Variants in MS4A10 observed in about 807,000 individuals in gnomAD.
MS4A10 encodes membrane-spanning 4-domains subfamily A member 10.
MS4A10 carries 27 observed loss-of-function variants against 27.7 expected under a neutral mutation model. The ratio of observed to expected loss-of-function variants is 0.98; its 90% CI spans 0.72 to 1.35. MS4A10 has a LOEUF of 1.35. MS4A10 is among the 40% of genes most tolerant of loss of function. The pLI, the probability that MS4A10 is intolerant of heterozygous loss-of-function variation, is 0.00. For synonymous variants in MS4A10, 139 were observed against 131.2 expected (o/e 1.06, Z -0.41); for missense variants, 338 against 324.7 (o/e 1.04, Z -0.32).
chr11:60,797,407 A>G (rs1020755790), intron 6 of MS4A10, among the ~76,000 whole-genome samples: 3 of 152,156 alleles, frequency 2.0e-5, no homozygotes, highest in African/African-American at 7.2e-5. Flanking sequence ...AATGAGTCTC[A>G]AGGGCTCAAA....
chr11:60,800,108 T>C lies in MS4A10; in HGVS notation c.*199T>C. 1.4e-6 allele frequency: 1 copy of C among 707,934 alleles called. No homozygotes were observed. The highest frequency in any genetic ancestry group is 2.8e-5 in the Admixed American group (1 of 36,362). 43.9% of individuals were successfully genotyped at this position (707,934 alleles called of 1,614,324 possible). A position where few individuals can be genotyped will look rare whatever the true frequency, so the allele number is the denominator to read the frequency against. On this transcript the variant is annotated 3_prime_UTR_variant, in exon 8 of 8. Coordinates refer to ENST00000308287, the MANE Select transcript of MS4A10 (RefSeq NM_206893.4). ...TTCTTACATAGTTGATGGCTCGATA[T>C]CTGTGGTGGCCCAGATTGTTTTGTT... is the stretch of plus-strand genomic sequence containing the variant.
At chr11:60,786,623 C>T (rs533111324) in intron 1 of MS4A10, among the ~76,000 whole-genome samples, 4 of 152,006 alleles carry the variant, frequency 2.6e-5, no homozygotes, top group Non-Finnish European at 5.9e-5. Flanking sequence ...GCCCTCTCCC[C>T]CTGTAAGCAG....
At chr11:60,799,103 T>C (rs1257629614) in intron 7 of MS4A10, among the ~76,000 whole-genome samples, 1 of 152,204 alleles carries the variant, frequency 6.6e-6, no homozygotes, top group African/African-American at 2.4e-5. Context: ...GCATGAATCT[T>C]TTTGCCCTCC....
intron 5 of MS4A10, among the ~76,000 whole-genome samples, chr11:60,794,966 T>C (rs2134754714): frequency 6.6e-6 from 1 of 152,302 alleles, no homozygotes; most frequent in East Asian, 1.9e-4. Context: ...ATTACAGGCG[T>C]GAGCCACCAT....
intron 7 of MS4A10, among the ~76,000 whole-genome samples, chr11:60,799,125 G>T (rs895413797): frequency 2.6e-5 from 4 of 152,176 alleles, no homozygotes; most frequent in African/African-American, 9.7e-5. Flanking sequence ...GGACCTCAGT[G>T]TCTCCATCTG....
chr11:60,786,495 C>T (rs770055259), intron 1 of MS4A10, among the ~76,000 whole-genome samples: 14 of 152,176 alleles, frequency 9.2e-5, no homozygotes, highest in Non-Finnish European at 8.8e-5. Context: ...CGGCCCTCTC[C>T]CCCTGTAAGC....
In MS4A10 at chr11:60,800,151, G is replaced by C. The variant is rs571593213; in HGVS notation, c.*242G>C. 2.3e-4 allele frequency: 127 copies of C among 548,054 alleles called. No homozygotes were observed. In the East Asian group the frequency reaches 3.0e-3, roughly 13 times the overall value. The allele number at this position is 548,054 out of a possible 1,614,324, so 33.9% of individuals were successfully genotyped here. A position where few individuals can be genotyped will look rare whatever the true frequency, so the allele number is the denominator to read the frequency against. ...GTTTTGTTTTGTTTCGCTTTGTTTT[G>C]TTTTCTTTTGTTTTGTTGAGATGGA... On this transcript the variant is annotated 3_prime_UTR_variant, in exon 8 of 8. Coordinates refer to ENST00000308287, the MANE Select transcript of MS4A10 (RefSeq NM_206893.4).
At chr11:60,797,525 C>A (rs1051575904) in intron 6 of MS4A10, among the ~76,000 whole-genome samples, 1 of 152,132 alleles carries the variant, frequency 6.6e-6, no homozygotes, top group Admixed American at 6.5e-5. Context: ...GCTTGTGGCT[C>A]CTTCTTCCAC....
At chr11:60,790,828 G>A (rs971066152) in intron 2 of MS4A10, 146 bp from the exon 3 acceptor site, 3 of 1,205,470 alleles carry the variant, frequency 2.5e-6, no homozygotes, top group South Asian at 3.0e-5. Context: ...ATCCTGGGGA[G>A]TGGTCCTTCT....
intron 1 of MS4A10, among the ~76,000 whole-genome samples, chr11:60,789,788 G>A (rs1244420746): frequency 9.2e-5 from 14 of 152,182 alleles, no homozygotes; most frequent in South Asian, 4.1e-4. Context: ...TGTTAGCATC[G>A]TTAAATATGG....
At chr11:60,792,397 G>A (rs1854446334) in intron 4 of MS4A10, 76 bp downstream of exon 4, 5 of 1,126,014 alleles carry the variant, frequency 4.4e-6, no homozygotes, top group Non-Finnish European at 6.8e-6. Flanking sequence ...GTCTGTAGGG[G>A]TGATTGTGAG....
rs557174783 is a variant in MS4A10, at chr11:60,790,885, C to A, written c.184-89C>A. On this transcript the variant is annotated intron_variant, in intron 2 of 7. Transcript: ENST00000308287. The stretch of plus-strand genomic sequence containing the variant: ...TCCCTAAGAGGACAGAAGGGACTCA[C>A]CACAGCCAGTAGGTCCAGGGCACTA... The A allele has an allele frequency of 2.3e-5, 35 of 1,554,460 alleles. No individual in the cohort carries two copies. In the African/African-American group the frequency reaches 4.4e-4, roughly 19 times the overall value.
intron 4 of MS4A10, among the ~76,000 whole-genome samples, chr11:60,793,142 G>A (rs1475165609): frequency 6.6e-6 from 1 of 152,062 alleles, no homozygotes; most frequent in Non-Finnish European, 1.5e-5. Flanking sequence ...CCCTATTTGT[G>A]TCCCTCAGCC....
chr11:60,794,659 G>T (rs1362840244), intron 5 of MS4A10, among the ~76,000 whole-genome samples: 2 of 152,140 alleles, frequency 1.3e-5, no homozygotes, highest in East Asian at 1.9e-4. Flanking sequence ...CAGGCTCCAA[G>T]AATTCTTTTT....
chr11:60,786,191 A>ACT (rs1319522826), intron 1 of MS4A10, among the ~76,000 whole-genome samples: 1 of 140,658 alleles, frequency 7.1e-6, no homozygotes, highest in Admixed American at 6.9e-5. Context: ...ACACACACGC[A>ACT]CACACACACA....
intron 1 of MS4A10, among the ~76,000 whole-genome samples, chr11:60,786,603 C>T (rs1478948793): frequency 1.3e-5 from 2 of 151,288 alleles, no homozygotes; most frequent in Admixed American, 6.6e-5. Context: ...GGTGGAGCCT[C>T]GCTCTCACAG....
rs566284571 is a variant in MS4A10 at position 60,798,588 on chromosome 11, A to G, written c.722+74A>G. On this transcript the variant is annotated intron_variant, in intron 7 of 7. Transcript: ENST00000308287. ...GCCCCTTCTCCCTGGCATAGATAGA[A>G]ACCAGTTCCCAGGGGAGCTGTAAGG... The G allele has an allele frequency of 2.3e-4, 272 of 1,175,114 alleles. 1 individual carries two copies. Among genetic ancestry groups the G allele is most frequent in the Non-Finnish European group, 1.5e-4 (116 of 793,328 alleles). 72.8% of individuals were successfully genotyped at this position (1,175,114 alleles called of 1,614,324 possible). A position where few individuals can be genotyped will look rare whatever the true frequency, so the allele number is the denominator to read the frequency against.
chr11:60,790,443 G>C lies in MS4A10; in HGVS notation c.108G>C (p.Thr36=), dbSNP rs142225777. ...QPWQTSAPQN[T]TQPKLLAPHQ... ...GGCAGACAAGTGCACCCCAGAACAC[G>C]ACCCAGCCCAAGCTCCTGGCTCCAC... The change falls in exon 2 of 8, where the codon ACG becomes ACC. Residue 36 remains threonine, a synonymous_variant. Transcript: ENST00000308287. 3 of 1,614,146 alleles carry C rather than the reference G, an allele frequency of 1.9e-6. No homozygotes were observed. Among genetic ancestry groups the C allele is most frequent in the Middle Eastern group, 1.6e-4 (1 of 6,062 alleles).
chr11:60,791,119 G>A (rs778642926), intron 3 of MS4A10, 26 bp downstream of exon 3: 29 of 1,612,232 alleles, frequency 1.8e-5, no homozygotes, highest in African/African-American at 4.0e-5. Context: ...AACACAGACC[G>A]GGTGTGGGAG....
Sources: gnomAD v4.1 joint callset for allele counts (sites outside exome capture counted in the v4.1 genomes callset) on GRCh38, gnomAD v4.1.1 for gene constraint, MANE v1.5 for transcripts, NCBI Gene and HGNC (gene_info 2026-07-23, HGNC 2026-07-21) for gene names.